GSDMC: variants seen among roughly 807,000 people sequenced by gnomAD.
GSDMC encodes gasdermin-C.
In GSDMC, 59 loss-of-function variants were observed where a neutral mutation model predicts 58.0. The observed-to-expected ratio is 1.02, with a 90% confidence interval of 0.82 to 1.26. The LOEUF (loss-of-function observed/expected upper bound fraction) is 1.26, where lower values mean the gene tolerates loss of function less well. GSDMC is among the 50% of genes most tolerant of loss of function. The probability of loss-of-function intolerance (pLI) is 0.00; values close to 1 mark genes in which losing one functional copy is unlikely to be tolerated. For missense variants in GSDMC, 659 were observed against 598.5 expected, an observed-to-expected ratio of 1.10 and a Z score of -1.06; for synonymous variants, 241 against 220.2, an observed-to-expected ratio of 1.09 and a Z score of -0.83.
the GSDMC span, among the ~76,000 whole-genome samples, chr8:129,707,893 C>T: frequency 6.6e-6 from 1 of 152,322 alleles, no homozygotes; most frequent in African/African-American, 2.4e-5. Flanking sequence ...TCTTTGAATG[C>T]CATTGCTTTC....
intron 3 of GSDMC, among the ~76,000 whole-genome samples, chr8:129,770,738 T>C (rs1320431518): frequency 6.6e-6 from 1 of 151,866 alleles, no homozygotes; most frequent in African/African-American, 2.4e-5. Flanking sequence ...AAAAAAACTA[T>C]AAAAGTCATA....
At chr8:129,710,249 C>CA in the GSDMC span, among the ~76,000 whole-genome samples, 1 of 152,212 alleles carries the variant, frequency 6.6e-6, no homozygotes, top group East Asian at 1.9e-4. Context: ...ATACAACACT[C>CA]AAAGAAATTT....
chr8:129,751,586 T>A lies in GSDMC; in HGVS notation c.917-18A>T, dbSNP rs1484032104. On this transcript the variant is annotated intron_variant, in intron 9 of 13. Coordinates refer to ENST00000276708, the MANE Select transcript of GSDMC (RefSeq NM_031415.3). ...TATTCTTCCTAGAAGGAGAATCAAG[T>A]CATCATCTCACTTCCTCATCCCCCC... 6 of 1,611,188 alleles carry A rather than the reference T, an allele frequency of 3.7e-6. No homozygotes were observed. Among genetic ancestry groups the A allele is most frequent in the African/African-American group, 1.3e-5 (1 of 74,874 alleles).
the GSDMC span, among the ~76,000 whole-genome samples, chr8:129,719,705 G>A: frequency 1.3e-5 from 2 of 152,158 alleles, no homozygotes; most frequent in African/African-American, 4.8e-5. Flanking sequence ...AAAACTTTGG[G>A]AGGCTGAGGC....
the GSDMC span, among the ~76,000 whole-genome samples, chr8:129,723,468 A>T: frequency 7.1e-6 from 1 of 141,480 alleles, no homozygotes; most frequent in Non-Finnish European, 1.5e-5. Flanking sequence ...GGGTTTCAAC[A>T]TCCTGGTCAG....
intron 6 of GSDMC, among the ~76,000 whole-genome samples, chr8:129,755,249 T>C (rs2033380980): frequency 6.6e-6 from 1 of 151,876 alleles, no homozygotes; most frequent in Non-Finnish European, 1.5e-5. Context: ...TACAATGGAG[T>C]TGCAATATGT....
chr8:129,772,802 G>C (rs1234726818), intron 3 of GSDMC, among the ~76,000 whole-genome samples: 1 of 152,066 alleles, frequency 6.6e-6, no homozygotes, highest in South Asian at 2.1e-4. Flanking sequence ...AGCCAGATAA[G>C]GACATTACAA....
At chr8:129,732,080 C>T in the GSDMC span, among the ~76,000 whole-genome samples, 1 of 152,042 alleles carries the variant, frequency 6.6e-6, no homozygotes, top group East Asian at 1.9e-4. Flanking sequence ...AGAGGTGGGG[C>T]CTTTAAGAGG....
chr8:129,783,225 A>G (rs1284222498), intron 1 of GSDMC, among the ~76,000 whole-genome samples: 2 of 152,122 alleles, frequency 1.3e-5, no homozygotes, highest in African/African-American at 2.4e-5. Flanking sequence ...ATAAAAAGCC[A>G]TATATTACAG....
the GSDMC span, among the ~76,000 whole-genome samples, chr8:129,717,526 C>A: frequency 6.6e-6 from 1 of 151,998 alleles, no homozygotes; most frequent in Non-Finnish European, 1.5e-5. Flanking sequence ...AGACACAACA[C>A]AAACAAATGG....
chr8:129,731,308 C>A, the GSDMC span, among the ~76,000 whole-genome samples: 2 of 152,012 alleles, frequency 1.3e-5, no homozygotes, highest in East Asian at 3.9e-4. Context: ...GGGTAGTTCC[C>A]TGCCTTGCCC....
chr8:129,714,699 A>G, the GSDMC span, among the ~76,000 whole-genome samples: 1 of 152,220 alleles, frequency 6.6e-6, no homozygotes, highest in African/African-American at 2.4e-5. Flanking sequence ...CTCTAAAATG[A>G]AGACATTCTC....
chr8:129,749,941 TG>T, intron 12 of GSDMC, 48 bp downstream of exon 12: 2 of 1,513,540 alleles, frequency 1.3e-6, no homozygotes, highest in Non-Finnish European at 1.8e-6. Flanking sequence ...TTGCGGGTCC[TG>T]GGGACCAATC....
intron 3 of GSDMC, among the ~76,000 whole-genome samples, chr8:129,768,862 T>G (rs2033955059): frequency 6.6e-6 from 1 of 152,188 alleles, no homozygotes; most frequent in Non-Finnish European, 1.5e-5. Flanking sequence ...GGAGGATCAC[T>G]TGTGTCCAGG....
chr8:129,758,747 T>C (rs1563795970), intron 6 of GSDMC, among the ~76,000 whole-genome samples: 2 of 152,146 alleles, frequency 1.3e-5, no homozygotes, highest in Non-Finnish European at 2.9e-5. Flanking sequence ...TATTCCATGT[T>C]CATGGATGGG....
At chr8:129,738,511 T>C in the GSDMC span, among the ~76,000 whole-genome samples, 1 of 152,198 alleles carries the variant, frequency 6.6e-6, no homozygotes, top group Non-Finnish European at 1.5e-5. Flanking sequence ...TGCAAGGACA[T>C]GGATGAAGCT....
At position 129,748,287 on chromosome 8, in the gene GSDMC, AAATATATAAACTCTTGTC is replaced by A. The variant is rs770105642; in HGVS notation, c.*196_*213del. On this transcript the variant is annotated 3_prime_UTR_variant, in exon 14 of 14. Coordinates refer to ENST00000276708, the MANE Select transcript of GSDMC (RefSeq NM_031415.3). The stretch of plus-strand genomic sequence containing the variant: ...AACATACTATTTGAGGAGTTTTGAC[AAATATATAAACTCTTGTC>A]AATATATAAACTCTTGTCAATATAT... 1.7e-4 allele frequency: 74 copies of A among 426,296 alleles called. No homozygotes were observed. Among genetic ancestry groups the A allele is most frequent in the South Asian group, 6.8e-4 (9 of 13,150 alleles). The allele number at this position is 426,296 out of a possible 1,614,324, so 26.4% of individuals were successfully genotyped here.
the GSDMC span, chr8:129,706,933 C>A: frequency 1.3e-5 from 2 of 152,206 alleles, no homozygotes; most frequent in Non-Finnish European, 2.9e-5. Context: ...GGAGCATTCA[C>A]TGTGTACCAG....
chr8:129,707,472 A>T, the GSDMC span, among the ~76,000 whole-genome samples: 60,503 of 152,072 alleles, frequency 0.4, 17,025 homozygotes, highest in African/African-American at 0.77. Context: ...AAAAAATGTA[A>T]GTACCATTAA....
Sources: gnomAD v4.1 joint callset for allele counts (sites outside exome capture counted in the v4.1 genomes callset) on GRCh38, gnomAD v4.1.1 for gene constraint, MANE v1.5 for transcripts, NCBI Gene and HGNC (gene_info 2026-07-23, HGNC 2026-07-21) for gene names.